Variants in FSTL4 observed in about 807,000 individuals in gnomAD.
FSTL4 encodes the protein follistatin like 4.
A neutral mutation model predicts 78.2 loss-of-function variants in FSTL4; 28 were observed. That is an observed-to-expected ratio of 0.36 (90% CI 0.27 to 0.49). FSTL4 has a LOEUF of 0.49. Among genes scored for constraint, FSTL4 ranks in the 20% least tolerant of loss-of-function variants. The probability of loss-of-function intolerance (pLI) is 0.98; values close to 1 mark genes in which losing one functional copy is unlikely to be tolerated. For missense variants in FSTL4, 922 were observed against 1,084.9 expected (o/e 0.85, Z 2.11); for synonymous variants, 422 against 440.5 (o/e 0.96, Z 0.53).
chr5:133,395,614 C>T (rs981603543), intron 4 of FSTL4, among the ~76,000 whole-genome samples: 2 of 152,214 alleles, frequency 1.3e-5, no homozygotes, highest in Non-Finnish European at 2.9e-5. Context: ...CTTTCCCCAG[C>T]TTGCTGTGAT....
At chr5:133,701,509 A>ACACACACACACACCCC in the FSTL4 span, among the ~76,000 whole-genome samples, 38 of 132,690 alleles carry the variant, frequency 2.9e-4, no homozygotes, top group East Asian at 6.7e-3. Flanking sequence ...ACACACACAC[A>ACACACACACACACCCC]CCCCACAGGC....
the FSTL4 span, among the ~76,000 whole-genome samples, chr5:133,759,043 A>G: frequency 2.6e-5 from 4 of 152,366 alleles, no homozygotes; most frequent in South Asian, 8.3e-4. Context: ...TTAGAAGTAA[A>G]TTGCTAAATC....
upstream of FSTL4, among the ~76,000 whole-genome samples, chr5:133,616,318 T>TATCTATC (rs1346541209): frequency 1.3e-5 from 2 of 149,788 alleles, no homozygotes; most frequent in Admixed American, 6.6e-5. Context: ...TAAATCTATC[T>TATCTATC]ATCTATCTAT....
chr5:133,318,125 G>T (rs1163714444), intron 4 of FSTL4, among the ~76,000 whole-genome samples: 1 of 152,070 alleles, frequency 6.6e-6, no homozygotes, highest in East Asian at 1.9e-4. Flanking sequence ...TGTTTATTTA[G>T]AAAAAAATCA....
chr5:133,758,887 C>T, the FSTL4 span, among the ~76,000 whole-genome samples: 1 of 152,140 alleles, frequency 6.6e-6, no homozygotes, highest in East Asian at 1.9e-4. Flanking sequence ...GATAGCAGAC[C>T]TCAGTTCTTC....
At chr5:133,741,029 C>A in the FSTL4 span, among the ~76,000 whole-genome samples, 1 of 151,928 alleles carries the variant, frequency 6.6e-6, no homozygotes, top group East Asian at 1.9e-4. Context: ...ATATTGCAAG[C>A]ATATGAAACA....
chr5:133,819,101 C>A, the FSTL4 span, among the ~76,000 whole-genome samples: 3 of 150,588 alleles, frequency 2.0e-5, no homozygotes, highest in Admixed American at 6.6e-5. Context: ...TGGGTCGGAA[C>A]CTGCTGTTTC....
chr5:133,469,618 G>A lies in FSTL4; in HGVS notation c.161-68632C>T, dbSNP rs569897998. Among the ~76,000 whole-genome samples, 22 of 152,310 alleles carry A rather than the reference G, an allele frequency of 1.4e-4. 1 individual carries two copies. The highest frequency in any genetic ancestry group is 6.8e-3 in the Middle Eastern group (2 of 294). On this transcript the variant is annotated intron_variant, in intron 3 of 15. Coordinates refer to ENST00000265342, the MANE Select transcript of FSTL4 (RefSeq NM_015082.2). ...TTCAAACATTTTAAAAACAAAAGGA[G>A]AGGGTTCAAAATGACAGGGTAGGTA...
chr5:133,558,386 G>A (rs571603763), intron 3 of FSTL4, among the ~76,000 whole-genome samples: 66 of 152,266 alleles, frequency 4.3e-4, no homozygotes, highest in African/African-American at 1.6e-3. Context: ...CGAAGAACAG[G>A]GTAGGGGCAA....
At chr5:133,341,072 A>G (rs917203821) in intron 4 of FSTL4, among the ~76,000 whole-genome samples, 1 of 152,150 alleles carries the variant, frequency 6.6e-6, no homozygotes, top group African/African-American at 2.4e-5. Context: ...GCCCACTCTC[A>G]TTCGCATCAC....
chr5:133,284,764 G>A (rs1753091653), intron 6 of FSTL4, among the ~76,000 whole-genome samples: 2 of 152,370 alleles, frequency 1.3e-5, no homozygotes, highest in East Asian at 1.9e-4. Flanking sequence ...ACTGTCTCAA[G>A]TTGGAGAGGA....
chr5:133,604,007 G>A lies in FSTL4; in HGVS notation c.-10-14C>T. ...ATTTTGATGAGTCTGTTGAAGAAATGACAAATGCTGAGAATAAAACATTAT... is the reference window on the plus strand; with the variant it reads ...ATTTTGATGAGTCTGTTGAAGAAATAACAAATGCTGAGAATAAAACATTAT... On this transcript the variant is annotated splice_polypyrimidine_tract_variant and intron_variant, in intron 1 of 15. Coordinates refer to ENST00000265342, the MANE Select transcript of FSTL4 (RefSeq NM_015082.2). 6.3e-7 allele frequency: 1 copy of A among 1,585,246 alleles called. No individual in the cohort carries two copies. The highest frequency in any genetic ancestry group is 1.7e-4 in the Middle Eastern group (1 of 5,972).
In FSTL4 at chr5:133,450,860, G is replaced by C. The variant is rs537223066; in HGVS notation, c.161-49874C>G. Among the ~76,000 whole-genome samples the C allele has an allele frequency of 1.4e-4, 21 of 152,284 alleles. No individual in the cohort carries two copies. The East Asian group carries it at 3.9e-3, about 28-fold the overall frequency. ...GGGAGATCAGGGCTGCAGACCAATG[G>C]GGGAGAGCCAGGTGATGCCAGCCCT... On this transcript the variant is annotated intron_variant, in intron 3 of 15. Coordinates refer to ENST00000265342, the MANE Select transcript of FSTL4 (RefSeq NM_015082.2).
intron 3 of FSTL4, among the ~76,000 whole-genome samples, chr5:133,543,583 G>A (rs1425368101): frequency 6.6e-6 from 1 of 151,938 alleles, no homozygotes; most frequent in African/African-American, 2.4e-5. Flanking sequence ...ATTATATTGT[G>A]TTTCACTTTA....
At chr5:133,436,968 T>C (rs1757045539) in intron 3 of FSTL4, among the ~76,000 whole-genome samples, 1 of 152,200 alleles carries the variant, frequency 6.6e-6, no homozygotes, top group Non-Finnish European at 1.5e-5. Flanking sequence ...TTGAGATGTG[T>C]GTAATATTTA....
intron 14 of FSTL4, among the ~76,000 whole-genome samples, chr5:133,205,240 A>G (rs1750459163): frequency 6.6e-6 from 1 of 152,126 alleles, no homozygotes; most frequent in Non-Finnish European, 1.5e-5. Flanking sequence ...TTTATTGAAA[A>G]CGTCCTACAT....
chr5:133,256,743 A>G (rs73279908), intron 6 of FSTL4, among the ~76,000 whole-genome samples: 3,202 of 152,298 alleles, frequency 0.021, 101 homozygotes, highest in African/African-American at 0.072. Flanking sequence ...ACTTGCTCCA[A>G]AGCCACACAA....
At chr5:133,546,104 C>A (rs1263371029) in intron 3 of FSTL4, among the ~76,000 whole-genome samples, 2 of 152,170 alleles carry the variant, frequency 1.3e-5, no homozygotes, top group African/African-American at 4.8e-5. Context: ...TACTTTTAAC[C>A]ACTTACATTA....
intron 3 of FSTL4, among the ~76,000 whole-genome samples, chr5:133,436,456 A>T (rs1757033752): frequency 6.6e-6 from 1 of 152,190 alleles, no homozygotes; most frequent in Non-Finnish European, 1.5e-5. Flanking sequence ...AGTTGAGGCT[A>T]GAAAGGTTAA....
Sources: gnomAD v4.1 joint callset for allele counts (sites outside exome capture counted in the v4.1 genomes callset) on GRCh38, gnomAD v4.1.1 for gene constraint, MANE v1.5 for transcripts, NCBI Gene and HGNC (gene_info 2026-07-23, HGNC 2026-07-21) for gene names.